Variants in WWTR1 observed in about 807,000 individuals in gnomAD.
WWTR1 encodes WW domain containing transcription regulator 1, also known as WW domain-containing transcription regulator protein 1.
WWTR1 carries 13 observed loss-of-function variants against 40.1 expected under a neutral mutation model. The observed-to-expected ratio is 0.32, with a 90% confidence interval of 0.21 to 0.52. The LOEUF (loss-of-function observed/expected upper bound fraction) is 0.52. WWTR1 is among the 20% of genes least tolerant of loss of function. WWTR1 has a pLI of 0.97. For synonymous variants in WWTR1, 230 were observed against 210.1 expected (o/e 1.09, Z -0.82); for missense variants, 436 against 523.1 (o/e 0.83, Z 1.63).
intron 2 of WWTR1, among the ~76,000 whole-genome samples, chr3:149,599,583 A>G (rs1233839826): frequency 2.0e-5 from 3 of 152,270 alleles, no homozygotes; most frequent in Non-Finnish European, 4.4e-5. Context: ...ACCAATGCTC[A>G]TTATAACCAG....
In WWTR1 at chr3:149,520,244, A is replaced by C. The variant is rs1333870347; in HGVS notation, c.*561T>G. On this transcript the variant is annotated 3_prime_UTR_variant, in exon 7 of 7. Transcript: ENST00000360632. ...ACTAATAAGAGCCATCAGAGCCAGC[A>C]TGGATTCAAAATTACATTGTATTCC... The C allele has an allele frequency of 6.6e-6, 1 of 152,270 alleles. No homozygotes were observed. Among genetic ancestry groups the C allele is most frequent in the Non-Finnish European group, 1.5e-5 (1 of 68,058 alleles). The allele number at this position is 152,270 out of a possible 1,614,324, so 9.4% of individuals were successfully genotyped here.
At chr3:149,628,829 A>C (rs906425247) in intron 2 of WWTR1, among the ~76,000 whole-genome samples, 17 of 151,452 alleles carry the variant, frequency 1.1e-4, no homozygotes, top group African/African-American at 3.9e-4. Context: ...GATAGAGTAC[A>C]GTGGCATGAT....
upstream of WWTR1, among the ~76,000 whole-genome samples, chr3:149,707,647 T>A (rs544297222): frequency 1.2e-4 from 19 of 152,212 alleles, no homozygotes; most frequent in African/African-American, 3.9e-4. Context: ...ACTGTGAATA[T>A]CAGAGGGAAT....
Position 149,526,233 on chromosome 3 carries a change from C to T in WWTR1, c.906-108G>A, listed in dbSNP as rs566813243. 18 of 659,656 alleles carry T rather than the reference C, an allele frequency of 2.7e-5. No homozygotes were observed. In the African/African-American group the frequency reaches 3.0e-4, roughly 11 times the overall value. The allele number at this position is 659,656 out of a possible 1,614,324, so 40.9% of individuals were successfully genotyped here. ...ACTAGTGCAGTTGTGCCATGCTGCC[C>T]AACTTTCCAGGTTAGGGAGGAAGGA... On this transcript the variant is annotated intron_variant, in intron 5 of 6. Transcript: ENST00000360632.
At chr3:149,612,729 T>C (rs191572292) in intron 2 of WWTR1, among the ~76,000 whole-genome samples, 7 of 152,162 alleles carry the variant, frequency 4.6e-5, no homozygotes, top group Admixed American at 4.6e-4. Context: ...AAAATAGGAG[T>C]TATTCTCAGC....
chr3:149,623,149 G>A (rs903077372), intron 2 of WWTR1, among the ~76,000 whole-genome samples: 3 of 152,066 alleles, frequency 2.0e-5, no homozygotes, highest in Non-Finnish European at 4.4e-5. Flanking sequence ...ATCACTTGAG[G>A]TCAAGAGTTT....
intron 2 of WWTR1, among the ~76,000 whole-genome samples, chr3:149,616,299 CCTATGAAAATTTGACCCTAT>C (rs1191724607): frequency 6.6e-6 from 1 of 152,176 alleles, no homozygotes; most frequent in African/African-American, 2.4e-5. Flanking sequence ...TTTCTTTCTG[CCTATGAAAATTTGACCCTAT>C]CTTTAAAAAT....
intron 2 of WWTR1, among the ~76,000 whole-genome samples, chr3:149,634,765 C>T (rs947679851): frequency 6.6e-6 from 1 of 152,226 alleles, no homozygotes; most frequent in Admixed American, 6.5e-5. Context: ...AGCTGGCATT[C>T]GCCCTTTCAC....
chr3:149,688,072 G>C (rs146962056), intron 1 of WWTR1, among the ~76,000 whole-genome samples: 176 of 151,618 alleles, frequency 1.2e-3, no homozygotes, highest in Non-Finnish European at 2.0e-3. Context: ...AGAATAAAAA[G>C]GTCATTTTCT....
intron 2 of WWTR1, among the ~76,000 whole-genome samples, chr3:149,666,950 A>T (rs1698424821): frequency 6.6e-6 from 1 of 152,136 alleles, no homozygotes. Context: ...TCATTTCACA[A>T]ATGTTTTGTC....
chr3:149,670,812 C>G (rs566708398), intron 1 of WWTR1: 1 of 152,264 alleles, frequency 6.6e-6, no homozygotes, highest in East Asian at 1.9e-4. Flanking sequence ...CCTGCTGCAA[C>G]AGGACCAGCT....
At chr3:149,636,942 C>T (rs181290940) in intron 2 of WWTR1, among the ~76,000 whole-genome samples, 65 of 111,704 alleles carry the variant, frequency 5.8e-4, no homozygotes, top group African/African-American at 2.1e-3. Context: ...CCAGCCTGGG[C>T]GACAGAGCAA....
intron 4 of WWTR1, among the ~76,000 whole-genome samples, chr3:149,532,667 CT>C (rs1461374565): frequency 6.6e-6 from 1 of 152,126 alleles, no homozygotes; most frequent in Non-Finnish European, 1.5e-5. Context: ...AATAAAAGGG[CT>C]AACCTCACCA....
chr3:149,622,509 G>GAAAGAAAC (rs1560089811), intron 2 of WWTR1, among the ~76,000 whole-genome samples: 3 of 139,196 alleles, frequency 2.2e-5, no homozygotes, highest in African/African-American at 8.3e-5. Flanking sequence ...AAGGAAGAAA[G>GAAAGAAAC]AAAGAAAGAA....
chr3:149,692,710 T>C (rs1279241531), intron 1 of WWTR1, among the ~76,000 whole-genome samples: 1 of 152,186 alleles, frequency 6.6e-6, no homozygotes, highest in African/African-American at 2.4e-5. Flanking sequence ...CTCAGCTCAC[T>C]GCAACCTCTG....
At chr3:149,585,121 CGTGTGTGTGTGTGT>C (rs61655468) in intron 2 of WWTR1, among the ~76,000 whole-genome samples, 3 of 144,314 alleles carry the variant, frequency 2.1e-5, no homozygotes, top group Non-Finnish European at 4.6e-5. Context: ...TGATTTCTTT[CGTGTGTGTGTGTGT>C]GTGTGTGTGT....
chr3:149,627,360 C>T (rs955177823), intron 2 of WWTR1, among the ~76,000 whole-genome samples: 13 of 152,104 alleles, frequency 8.5e-5, no homozygotes, highest in South Asian at 4.2e-4. Flanking sequence ...GGGTAATCAA[C>T]CCTGAATTTA....
At chr3:149,530,070 C>T (rs967972048) in intron 4 of WWTR1, among the ~76,000 whole-genome samples, 2 of 152,062 alleles carry the variant, frequency 1.3e-5, no homozygotes, top group African/African-American at 4.8e-5. Context: ...CAAGTTGAGG[C>T]CGGGCGGTGG....
At chr3:149,694,399 C>T (rs531705819) in intron 1 of WWTR1, among the ~76,000 whole-genome samples, 3 of 152,228 alleles carry the variant, frequency 2.0e-5, no homozygotes, top group Non-Finnish European at 2.9e-5. Context: ...GAGCAAGACT[C>T]TGTCTCAAAA....
Sources: allele counts gnomAD v4.1 joint callset (sites outside exome capture counted in the v4.1 genomes callset), GRCh38; gene constraint gnomAD v4.1.1; transcripts MANE v1.5; gene names NCBI Gene and HGNC (gene_info 2026-07-23, HGNC 2026-07-21).